The following PPP3CA variants were observed in gnomAD, a reference collection of about 807,000 sequenced individuals.
The protein encoded by PPP3CA is CAM-PRP catalytic subunit.
A neutral mutation model predicts 66.5 loss-of-function variants in PPP3CA; 14 were observed. That is an observed-to-expected ratio of 0.21 (90% CI 0.14 to 0.33). The LOEUF (loss-of-function observed/expected upper bound fraction) is 0.33, where lower values mean the gene tolerates loss of function less well. Among genes scored for constraint, PPP3CA ranks in the 10% least tolerant of loss-of-function variants. The pLI is 1.00. For synonymous variants in PPP3CA, 232 were observed against 226.2 expected (o/e 1.03, Z -0.23); for missense variants, 317 against 639.5 (o/e 0.50, Z 5.44).
intron 2 of PPP3CA, among the ~76,000 whole-genome samples, chr4:101,146,920 T>C (rs1308327454): frequency 6.6e-6 from 1 of 152,224 alleles, no homozygotes; most frequent in Non-Finnish European, 1.5e-5. Flanking sequence ...GAGCATCATG[T>C]CAGTGCTCAA....
At chr4:101,157,888 A>AAAC (rs1208982939) in intron 2 of PPP3CA, among the ~76,000 whole-genome samples, 97 of 151,258 alleles carry the variant, frequency 6.4e-4, no homozygotes, top group African/African-American at 2.3e-3. Flanking sequence ...AAAAAAAAAA[A>AAAC]ACCTCTCAGT....
At chr4:101,168,440 G>T in intron 2 of PPP3CA, among the ~76,000 whole-genome samples, 1 of 152,094 alleles carries the variant, frequency 6.6e-6, no homozygotes, top group Non-Finnish European at 1.5e-5. Context: ...GAATATTTAG[G>T]AATCATCTCA....
intron 1 of PPP3CA, among the ~76,000 whole-genome samples, chr4:101,315,370 C>G (rs1440848231): frequency 6.6e-6 from 1 of 152,128 alleles, no homozygotes; most frequent in African/African-American, 2.4e-5. Flanking sequence ...CAGTACAACC[C>G]CAGTTTTATA....
chr4:101,298,849 G>C (rs1172068067), intron 1 of PPP3CA, among the ~76,000 whole-genome samples: 1 of 81,142 alleles, frequency 1.2e-5, no homozygotes, highest in Admixed American at 1.6e-4. Flanking sequence ...TACTGTGTGT[G>C]TGTGTGTGTG....
chr4:101,346,877 A>ACGCCGC lies in PPP3CA; in HGVS notation c.-87_-82dup, dbSNP rs3974660. Reference sequence around the variant, plus strand: ...ACCGGACCGGCGGGCCAGACACTCAACGCCGCCGCCGCCGCCGCCGCCGCC... The same window carrying ACGCCGC: ...ACCGGACCGGCGGGCCAGACACTCAACGCCGCCGCCGCCGCCGCCGCCGCCGCCGCC... On this transcript the variant is annotated 5_prime_UTR_variant, in exon 1 of 14. Coordinates refer to ENST00000394854, the MANE Select transcript of PPP3CA (RefSeq NM_000944.5). The ACGCCGC allele has an allele frequency of 0.23, 298,614 of 1,290,282 alleles. 34,418 individuals carry two copies. Among genetic ancestry groups the ACGCCGC allele is most frequent in the East Asian group, 0.42 (15,555 of 37,404 alleles). The allele number at this position is 1,290,282 out of a possible 1,614,324, so 79.9% of individuals were successfully genotyped here. A position where few individuals can be genotyped will look rare whatever the true frequency, so the allele number is the denominator to read the frequency against.
chr4:101,311,375 A>T (rs899891126), intron 1 of PPP3CA, among the ~76,000 whole-genome samples: 2 of 152,206 alleles, frequency 1.3e-5, no homozygotes, highest in African/African-American at 4.8e-5. Flanking sequence ...GGAGATATTT[A>T]AAAATCATGA....
rs115898583 is a variant in PPP3CA, at chr4:101,231,622, A to G, written c.59-35506T>C. Among the ~76,000 whole-genome samples the G allele has an allele frequency of 7.3e-3, 1,113 of 151,888 alleles. 11 individuals are homozygous for G. Among genetic ancestry groups the G allele is most frequent in the African/African-American group, 0.026 (1,061 of 41,502 alleles). On this transcript the variant is annotated intron_variant, in intron 1 of 13. Coordinates refer to ENST00000394854, the MANE Select transcript of PPP3CA (RefSeq NM_000944.5). ...TAAATGCTTAAGGCAAATATATACCATAAGAAAGAAATTGTATCCTTTACA... is the reference window on the plus strand; with the variant it reads ...TAAATGCTTAAGGCAAATATATACCGTAAGAAAGAAATTGTATCCTTTACA...
chr4:101,091,895 GGAGAA>G (rs1284254019), intron 6 of PPP3CA, among the ~76,000 whole-genome samples: 6 of 122,628 alleles, frequency 4.9e-5, no homozygotes, highest in East Asian at 2.0e-4. Context: ...GGAGGAAGGA[GGAGAA>G]GAGGAGGAGT....
intron 1 of PPP3CA, among the ~76,000 whole-genome samples, chr4:101,234,098 A>G (rs1405621383): frequency 6.6e-6 from 1 of 151,854 alleles, no homozygotes; most frequent in East Asian, 1.9e-4. Flanking sequence ...ATGGCTGCAC[A>G]GTATTCCATG....
intron 3 of PPP3CA, among the ~76,000 whole-genome samples, chr4:101,100,533 G>C (rs1307655737): frequency 6.6e-6 from 1 of 152,032 alleles, no homozygotes; most frequent in African/African-American, 2.4e-5. Flanking sequence ...CACCAACTTG[G>C]GGATACATCT....
At chr4:101,197,848 G>T (rs1346920252) in intron 1 of PPP3CA, among the ~76,000 whole-genome samples, 2 of 151,992 alleles carry the variant, frequency 1.3e-5, no homozygotes, top group African/African-American at 2.4e-5. Context: ...TGTATAACTT[G>T]GTGAGTTTAA....
At chr4:101,339,798 C>T (rs1275369059) in intron 1 of PPP3CA, among the ~76,000 whole-genome samples, 1 of 152,120 alleles carries the variant, frequency 6.6e-6, no homozygotes, top group Non-Finnish European at 1.5e-5. Context: ...CAAATATTAA[C>T]AATTTTATGC....
chr4:101,242,535 A>T (rs11932477), intron 1 of PPP3CA, among the ~76,000 whole-genome samples: 17,176 of 102,576 alleles, frequency 0.17, 2,971 homozygotes, highest in African/African-American at 0.41. Flanking sequence ...ATTGGTTTAA[A>T]TAAAAAAAAA....
chr4:101,111,666 C>A (rs1305763292), intron 2 of PPP3CA, among the ~76,000 whole-genome samples: 1 of 152,160 alleles, frequency 6.6e-6, no homozygotes, highest in East Asian at 1.9e-4. Flanking sequence ...TGCTGTATTA[C>A]TTACTATCTG....
intron 1 of PPP3CA, among the ~76,000 whole-genome samples, chr4:101,231,248 G>A (rs948638952): frequency 6.6e-6 from 1 of 151,662 alleles, no homozygotes; most frequent in African/African-American, 2.4e-5. Context: ...TTTCCTCTAG[G>A]GGGAGAATTC....
At chr4:101,128,737 G>A (rs909084584) in intron 2 of PPP3CA, among the ~76,000 whole-genome samples, 1 of 152,044 alleles carries the variant, frequency 6.6e-6, no homozygotes, top group Non-Finnish European at 1.5e-5. Context: ...CTTTCCCCAC[G>A]GCCTTTGCGA....
At chr4:101,189,083 C>T (rs1460400603) in intron 2 of PPP3CA, among the ~76,000 whole-genome samples, 1 of 151,978 alleles carries the variant, frequency 6.6e-6, no homozygotes, top group African/African-American at 2.4e-5. Flanking sequence ...GTGTCTGTGT[C>T]CAAAACGCTC....
intron 10 of PPP3CA, among the ~76,000 whole-genome samples, chr4:101,060,862 A>T (rs1728433123): frequency 6.6e-6 from 1 of 152,218 alleles, no homozygotes; most frequent in Non-Finnish European, 1.5e-5. Flanking sequence ...TTATTAAAAC[A>T]GTTTACTACT....
At chr4:101,180,209 G>A (rs1724191339) in intron 2 of PPP3CA, among the ~76,000 whole-genome samples, 1 of 152,122 alleles carries the variant, frequency 6.6e-6, no homozygotes, top group South Asian at 2.1e-4. Flanking sequence ...ATGTGCTGTG[G>A]TAGTATAATT....
Sources: allele counts gnomAD v4.1 joint callset (sites outside exome capture counted in the v4.1 genomes callset), GRCh38; gene constraint gnomAD v4.1.1; transcripts MANE v1.5; gene names NCBI Gene and HGNC (gene_info 2026-07-23, HGNC 2026-07-21).